Variants in KRT14 observed in about 807,000 individuals in gnomAD.
KRT14 encodes the protein keratin 14, also known as keratin, type I cytoskeletal 14.
In KRT14, 30 loss-of-function variants were observed where a neutral mutation model predicts 44.5. That is an observed-to-expected ratio of 0.67 (90% CI 0.50 to 0.92). The LOEUF is 0.92. Among genes scored for constraint, KRT14 ranks in the 40% least tolerant of loss-of-function variants. KRT14 has a pLI of 0.00. For synonymous variants in KRT14, 241 were observed against 257.6 expected, an observed-to-expected ratio of 0.94 and a Z score of 0.62; for missense variants, 535 against 640.6, an observed-to-expected ratio of 0.84 and a Z score of 1.78.
chr17:41,585,572 T>G (rs1907499799), intron 1 of KRT14, among the ~76,000 whole-genome samples: 1 of 152,156 alleles, frequency 6.6e-6, no homozygotes, highest in Non-Finnish European at 1.5e-5. Context: ...AGGGGAAGAA[T>G]AAGAAGATAT....
In KRT14 at chr17:41,583,856, G is replaced by T. The variant is rs149919875; in HGVS notation, c.831C>A (p.Gly277=). The T allele has an allele frequency of 5.6e-6, 9 of 1,613,888 alleles. No homozygotes were observed. Among genetic ancestry groups the T allele is most frequent in the East Asian group, 2.2e-5 (1 of 44,890 alleles). The change falls in exon 4 of 8, where the codon GGC becomes GGA. Residue 277 remains glycine (G), a synonymous_variant. Coordinates refer to ENST00000167586, the MANE Select transcript of KRT14 (RefSeq NM_000526.5). ...DVNVEMDAAP[G]VDLSRILNEM... is the part of the protein sequence containing the mutation. ...CGTTCAGAATGCGGCTCAGGTCCAC[G>T]CCAGGTGCAGCGTCCATCTCCACAT...
intron 1 of KRT14, among the ~76,000 whole-genome samples, chr17:41,585,271 C>T (rs1029173757): frequency 7.9e-5 from 12 of 152,282 alleles, no homozygotes; most frequent in East Asian, 1.9e-4. Flanking sequence ...GATGCAGCCC[C>T]GGGCTTAGAA....
In KRT14 at chr17:41,586,344, G is replaced by A; in HGVS notation, c.491C>T (p.Pro164Leu). 6.2e-7 allele frequency: 1 copy of A among 1,612,636 alleles called. No homozygotes were observed. The highest frequency in any genetic ancestry group is 8.5e-7 in the Non-Finnish European group (1 of 1,179,986). ...CAGGTCCTCAATGGTCTTGAAGTAG[G>A]GACTGTAGTCTTTGATCTCAGCAGG... ...QRPAEIKDYS[P>L]YFKTIEDLRN... The change falls in exon 1 of 8, where the codon CCC (proline) becomes CTC (leucine). Residue 164 changes from proline to leucine, a missense_variant. Transcript: ENST00000167586.
In KRT14 at chr17:41,584,411, T is replaced by A; in HGVS notation, c.611A>T (p.Tyr204Phe). 6.2e-7 allele frequency: 1 copy of A among 1,614,010 alleles called. No individual in the cohort carries two copies. The highest frequency in any genetic ancestry group is 8.5e-7 in the Non-Finnish European group (1 of 1,179,994). Residue 204 changes from tyrosine to phenylalanine, a missense_variant and splice_region_variant, in exon 3 of 8, where the codon TAT becomes TTT. Physicochemically the swap from Tyr to Phe is conservative, Grantham distance 22. Coordinates refer to ENST00000167586, the MANE Select transcript of KRT14 (RefSeq NM_000526.5). ...RLAADDFRTK[Y>F]ETELNLRMSV... Reference sequence around the variant, plus strand: ...CATGCGCAGGTTCAACTCTGTCTCATACCTGGAATGACCCCAGAGAAAAGG... The same window carrying A: ...CATGCGCAGGTTCAACTCTGTCTCAAACCTGGAATGACCCCAGAGAAAAGG...
At position 41,583,806 on chromosome 17, in the gene KRT14, A is replaced by T; in HGVS notation, c.881T>A (p.Met294Lys). ...LNEMRDQYEK[M>K]AEKNRKDAEE... Reference sequence around the variant, plus strand: ...GGCATCCTTGCGGTTCTTCTCTGCCATCTTCTCATACTGGTCACGCATCTC... The same window carrying T: ...GGCATCCTTGCGGTTCTTCTCTGCCTTCTTCTCATACTGGTCACGCATCTC... Residue 294 changes from methionine (M) to lysine (K), a missense_variant, in exon 4 of 8, where the codon ATG (methionine) becomes AAG (lysine). By Grantham distance (95) the Met-to-Lys change is moderately conservative (BLOSUM62 -1). Coordinates refer to ENST00000167586, the MANE Select transcript of KRT14 (RefSeq NM_000526.5). 6.2e-7 allele frequency: 1 copy of T among 1,614,160 alleles called. No individual in the cohort carries two copies. The highest frequency in any genetic ancestry group is 8.5e-7 in the Non-Finnish European group (1 of 1,180,038).
rs149919875 is a variant in KRT14, at chr17:41,583,856, G to A, written c.831C>T (p.Gly277=). 3.7e-5 allele frequency: 59 copies of A among 1,614,006 alleles called. No homozygotes were observed. The Middle Eastern group carries it at 5.0e-4, about 14-fold the overall frequency. The change falls in exon 4 of 8, where the codon GGC becomes GGT. Residue 277 remains glycine, a synonymous_variant. Coordinates refer to ENST00000167586, the MANE Select transcript of KRT14 (RefSeq NM_000526.5). ...CGTTCAGAATGCGGCTCAGGTCCAC[G>A]CCAGGTGCAGCGTCCATCTCCACAT... ...DVNVEMDAAP[G]VDLSRILNEM... is the part of the protein sequence containing the mutation.
chr17:41,586,700 G>A lies in KRT14; in HGVS notation c.135C>T (p.Thr45=). 6.3e-7 allele frequency: 1 copy of A among 1,593,074 alleles called. No homozygotes were observed. The highest frequency in any genetic ancestry group is 8.5e-7 in the Non-Finnish European group (1 of 1,170,270). ...ATGAGACAGACAGGCCGCCCCCGTAGGTGCTGGGGGCGCGGCAGGACCCTC... is the reference window on the plus strand; with the variant it reads ...ATGAGACAGACAGGCCGCCCCCGTAAGTGCTGGGGGCGCGGCAGGACCCTC... ...LAGGSCRAPS[T]YGGGLSVSSS... Residue 45 remains threonine, a synonymous_variant, in exon 1 of 8, where the codon ACC becomes ACT. Coordinates refer to ENST00000167586, the MANE Select transcript of KRT14 (RefSeq NM_000526.5).
In KRT14 at chr17:41,583,143, G is replaced by A. The variant is rs937025862; in HGVS notation, c.1275-3C>T. Reference sequence around the variant, plus strand: ...AGGAGAACTGGGAGGAGGAGAGGCTGTGAAAATAGAAAAGGACAGGATCAT... The same window carrying A: ...AGGAGAACTGGGAGGAGGAGAGGCTATGAAAATAGAAAAGGACAGGATCAT... On this transcript the variant is annotated splice_region_variant and splice_polypyrimidine_tract_variant and intron_variant, in intron 6 of 7. Coordinates refer to ENST00000167586, the MANE Select transcript of KRT14 (RefSeq NM_000526.5). 6.2e-7 allele frequency: 1 copy of A among 1,613,456 alleles called. No individual in the cohort carries two copies.
Position 41,586,345 on chromosome 17 carries a change from G to T in KRT14, c.490C>A (p.Pro164Thr). Residue 164 changes from proline (P) to threonine (T), a missense_variant, in exon 1 of 8, where the codon CCC becomes ACC. By Grantham distance (38) the Pro-to-Thr change is conservative. Coordinates refer to ENST00000167586, the MANE Select transcript of KRT14 (RefSeq NM_000526.5). ...QRPAEIKDYSPYFKTIEDLRN... is the reference protein window; with the variant it reads ...QRPAEIKDYSTYFKTIEDLRN... Reference sequence around the variant, plus strand: ...AGGTCCTCAATGGTCTTGAAGTAGGGACTGTAGTCTTTGATCTCAGCAGGC... The same window carrying T: ...AGGTCCTCAATGGTCTTGAAGTAGGTACTGTAGTCTTTGATCTCAGCAGGC... 1.2e-6 allele frequency: 2 copies of T among 1,612,676 alleles called. No individual in the cohort carries two copies. The highest frequency in any genetic ancestry group is 1.7e-6 in the Non-Finnish European group (2 of 1,180,002).
chr17:41,584,067 CTCTTTT>C, intron 3 of KRT14, 146 bp from the exon 4 acceptor site: 2 of 468,816 alleles, frequency 4.3e-6, no homozygotes, highest in Admixed American at 3.8e-5. Flanking sequence ...CTCTCTCTCT[CTCTTTT>C]TTTTTTTTTT....
intron 3 of KRT14, 146 bp from the exon 4 acceptor site, chr17:41,584,067 CTCTTTTT>C: frequency 6.4e-6 from 3 of 468,820 alleles, no homozygotes; most frequent in South Asian, 2.1e-5. Context: ...CTCTCTCTCT[CTCTTTTT>C]TTTTTTTTTT....
chr17:41,585,676 G>A (rs1319668626), intron 1 of KRT14, among the ~76,000 whole-genome samples: 1 of 152,238 alleles, frequency 6.6e-6, no homozygotes, highest in Non-Finnish European at 1.5e-5. Flanking sequence ...CCAGCAGGGA[G>A]GGCTCCCAAG....
rs201507105 is a variant in KRT14 at position 41,583,591 on chromosome 17, A to G, written c.1013T>C (p.Met338Thr). ...CTGCAGCTCAATCTCCAGGTTCTGCATGGTGCGCCGGAGCTCCGAGATCTC... is the reference window on the plus strand; with the variant it reads ...CTGCAGCTCAATCTCCAGGTTCTGCGTGGTGCGCCGGAGCTCCGAGATCTC... ...KSEISELRRT[M>T]QNLEIELQSQ... The change falls in exon 5 of 8, where the codon ATG (methionine) becomes ACG (threonine). Residue 338 changes from methionine to threonine, a missense_variant. By Grantham distance (81) the Met-to-Thr change is moderately conservative. Coordinates refer to ENST00000167586, the MANE Select transcript of KRT14 (RefSeq NM_000526.5). 3.1e-6 allele frequency: 5 copies of G among 1,614,046 alleles called. No individual in the cohort carries two copies. Among genetic ancestry groups the G allele is most frequent in the South Asian group, 2.2e-5 (2 of 91,084 alleles).
chr17:41,585,616 T>C (rs1567737631), intron 1 of KRT14, among the ~76,000 whole-genome samples: 2 of 152,210 alleles, frequency 1.3e-5, no homozygotes, highest in Non-Finnish European at 2.9e-5. Flanking sequence ...TTTCCCCACC[T>C]CATCATTGAA....
chr17:41,583,997 G>A, intron 3 of KRT14, 76 bp from the exon 4 acceptor site: 1 of 1,453,180 alleles, frequency 6.9e-7, no homozygotes, highest in Admixed American at 1.7e-5. Context: ...CCTGAATACT[G>A]CCCTCCCACC....
chr17:41,583,576 A>G lies in KRT14; in HGVS notation c.1028T>C (p.Ile343Thr). The change falls in exon 5 of 8, where the codon ATT (isoleucine) becomes ACT (threonine). Residue 343 changes from isoleucine (I) to threonine (T), a missense_variant. Transcript: ENST00000167586. The stretch of plus-strand genomic sequence containing the variant: ...CATGCTGAGCTGGGACTGCAGCTCA[A>G]TCTCCAGGTTCTGCATGGTGCGCCG... Reference protein sequence around the residue: ...ELRRTMQNLEIELQSQLSMKA... With the variant: ...ELRRTMQNLETELQSQLSMKA... 6.2e-7 allele frequency: 1 copy of G among 1,614,118 alleles called. No homozygotes were observed. The highest frequency in any genetic ancestry group is 8.5e-7 in the Non-Finnish European group (1 of 1,180,004).
In KRT14 at chr17:41,582,523, G is replaced by A; in HGVS notation, c.1331C>T (p.Ser444Phe). The A allele has an allele frequency of 6.4e-7, 1 of 1,564,482 alleles. No individual in the cohort carries two copies. Among genetic ancestry groups the A allele is most frequent in the Non-Finnish European group, 8.7e-7 (1 of 1,154,230 alleles). ...GACCTTGGTGCGGATTTGGCGGCTG[G>A]AGGAGGTCACTGGGGAAGAGGTGGG... is the stretch of plus-strand genomic sequence containing the variant. ...GSQSSRDVTS[S>F]SRQIRTKVMD... The change falls in exon 8 of 8, where the codon TCC (serine) becomes TTC (phenylalanine). Residue 444 changes from serine to phenylalanine, a missense_variant. Physicochemically the swap from Ser to Phe is radical, Grantham distance 155. Coordinates refer to ENST00000167586, the MANE Select transcript of KRT14 (RefSeq NM_000526.5).
Position 41,585,022 on chromosome 17 carries a change from A to G in KRT14, c.561T>C (p.Leu187=). 3.7e-6 allele frequency: 6 copies of G among 1,614,176 alleles called. No individual in the cohort carries two copies. The highest frequency in any genetic ancestry group is 5.1e-6 in the Non-Finnish European group (6 of 1,179,972). Residue 187 remains leucine, a synonymous_variant, in exon 2 of 8, where the codon CTT becomes CTC. Coordinates refer to ENST00000167586, the MANE Select transcript of KRT14 (RefSeq NM_000526.5). The part of the protein sequence containing the change: ...LTATVDNANV[L]LQIDNARLAA... Reference sequence around the variant, plus strand: ...CCAGACGGGCATTGTCAATCTGCAGAAGGACATTGGCATTGTCCACTGTGG... The same window carrying G: ...CCAGACGGGCATTGTCAATCTGCAGGAGGACATTGGCATTGTCCACTGTGG...
At chr17:41,583,189 G>A (rs756059030) in intron 6 of KRT14, 46 bp downstream of exon 6, 5 of 1,610,670 alleles carry the variant, frequency 3.1e-6, no homozygotes, top group Non-Finnish European at 4.2e-6. Flanking sequence ...GTGGGGCCGT[G>A]AGAGTGCCAT....
Sources: allele counts gnomAD v4.1 joint callset (sites outside exome capture counted in the v4.1 genomes callset), GRCh38; gene constraint gnomAD v4.1.1; transcripts MANE v1.5; gene names NCBI Gene and HGNC (gene_info 2026-07-23, HGNC 2026-07-21).